The following CALHM1 variants were observed in gnomAD, a reference collection of about 807,000 sequenced individuals.
The protein encoded by CALHM1 is calcium homeostasis modulator protein 1.
A neutral mutation model predicts 14.8 loss-of-function variants in CALHM1; 11 were observed. That is an observed-to-expected ratio of 0.74 (90% CI 0.47 to 1.23). The LOEUF (loss-of-function observed/expected upper bound fraction) is 1.23, where lower values mean the gene tolerates loss of function less well. Among genes scored for constraint, CALHM1 ranks in the 50% most tolerant of loss-of-function variants. The probability of loss-of-function intolerance (pLI) is 0.00; values close to 1 mark genes in which losing one functional copy is unlikely to be tolerated. For missense variants in CALHM1, 458 were observed against 496.4 expected (o/e 0.92, Z 0.74); for synonymous variants, 215 against 218.9 (o/e 0.98, Z 0.16).
In CALHM1 at chr10:103,455,044, G is replaced by A; in HGVS notation, c.*218C>T. 1 of 671,598 alleles carries A rather than the reference G, an allele frequency of 1.5e-6. No homozygotes were observed. Among genetic ancestry groups the A allele is most frequent in the South Asian group, 2.0e-5 (1 of 50,252 alleles). The allele number at this position is 671,598 out of a possible 1,614,324, so 41.6% of individuals were successfully genotyped here. A position where few individuals can be genotyped will look rare whatever the true frequency, so the allele number is the denominator to read the frequency against. ...GACTAATACTGCTCATGGGCCCACTGCCCTAGGGCCATCCAGGGCAGTGTC... is the reference window on the plus strand; with the variant it reads ...GACTAATACTGCTCATGGGCCCACTACCCTAGGGCCATCCAGGGCAGTGTC... On this transcript the variant is annotated 3_prime_UTR_variant, in exon 2 of 2. Transcript: ENST00000329905.
intron 1 of CALHM1, among the ~76,000 whole-genome samples, chr10:103,456,373 C>T (rs1017462147): frequency 6.6e-6 from 1 of 152,218 alleles, no homozygotes; most frequent in African/African-American, 2.4e-5. Flanking sequence ...GCCAAATGAG[C>T]ACCTCCTCTG....
Position 103,455,165 on chromosome 10 carries a change from T to C in CALHM1, c.*97A>G. The C allele has an allele frequency of 6.9e-7, 1 of 1,450,842 alleles. No individual in the cohort carries two copies. The highest frequency in any genetic ancestry group is 1.4e-5 in the South Asian group (1 of 69,590). The allele number at this position is 1,450,842 out of a possible 1,614,324, so 89.9% of individuals were successfully genotyped here. A position where few individuals can be genotyped will look rare whatever the true frequency, so the allele number is the denominator to read the frequency against. On this transcript the variant is annotated 3_prime_UTR_variant, in exon 2 of 2. Transcript: ENST00000329905. ...AGTGTGGATCTGCCTAGGGGAGTACTGCCCAGCACTGAAACCCTTCCTTTT... is the reference window on the plus strand; with the variant it reads ...AGTGTGGATCTGCCTAGGGGAGTACCGCCCAGCACTGAAACCCTTCCTTTT...
In CALHM1 at chr10:103,454,916, G is replaced by A; in HGVS notation, c.*346C>T. ...CGAGGGTGGACCCTGGGGCAGGGAT[G>A]TCTGTTGAACCTGGGAGGAGACAGT... is the stretch of plus-strand genomic sequence containing the variant. On this transcript the variant is annotated 3_prime_UTR_variant, in exon 2 of 2. Coordinates refer to ENST00000329905, the MANE Select transcript of CALHM1 (RefSeq NM_001001412.4). 2 of 319,198 alleles carry A rather than the reference G, an allele frequency of 6.3e-6. No individual in the cohort carries two copies. The highest frequency in any genetic ancestry group is 1.1e-5 in the Non-Finnish European group (2 of 174,406). 19.8% of individuals were successfully genotyped at this position (319,198 alleles called of 1,614,324 possible). A position where few individuals can be genotyped will look rare whatever the true frequency, so the allele number is the denominator to read the frequency against.
chr10:103,457,302 G>A (rs1210598492), intron 1 of CALHM1, among the ~76,000 whole-genome samples: 2 of 152,264 alleles, frequency 1.3e-5, no homozygotes, highest in Admixed American at 6.5e-5. Flanking sequence ...GCCCACAGGA[G>A]AGGAGGCACA....
At position 103,458,368 on chromosome 10, in the gene CALHM1, G is replaced by A; in HGVS notation, c.384C>T (p.Ala128=). 1 of 1,610,034 alleles carries A rather than the reference G, an allele frequency of 6.2e-7. No homozygotes were observed. The highest frequency in any genetic ancestry group is 1.7e-5 in the Admixed American group (1 of 59,798). The change falls in exon 1 of 2, where the codon GCC becomes GCT. Residue 128 remains alanine (A), a synonymous_variant. Transcript: ENST00000329905. This position sits in a 1 kb window ranked among gnomAD's most constrained non-coding sequence, Gnocchi z 4.9. ...CGCTCACGGGCACGGCAGTGCAGAA[G>A]GCACAGAGGAAGCATTTGCCGTCGA... is the stretch of plus-strand genomic sequence containing the variant. ...TLLDGKCFLC[A]FCTAVPVSAL... is the part of the protein sequence containing the mutation.
At position 103,458,086 on chromosome 10, in the gene CALHM1, C is replaced by T. The variant is rs573628390; in HGVS notation, c.555+111G>A. On this transcript the variant is annotated intron_variant, in intron 1 of 1. Coordinates refer to ENST00000329905, the MANE Select transcript of CALHM1 (RefSeq NM_001001412.4). The surrounding 1 kb of genome is among the most constrained non-coding windows in gnomAD (Gnocchi z 4.9). Reference sequence around the variant, plus strand: ...AGTTGGGAAGATGCCCCCCACACCTCGGAGCTCCACCTGAGCAGAGGCCCC... The same window carrying T: ...AGTTGGGAAGATGCCCCCCACACCTTGGAGCTCCACCTGAGCAGAGGCCCC... The T allele has an allele frequency of 1.5e-5, 20 of 1,299,886 alleles. No homozygotes were observed. Among genetic ancestry groups the T allele is most frequent in the South Asian group, 6.8e-5 (5 of 73,690 alleles). The allele number at this position is 1,299,886 out of a possible 1,614,324, so 80.5% of individuals were successfully genotyped here. A position where few individuals can be genotyped will look rare whatever the true frequency, so the allele number is the denominator to read the frequency against.
chr10:103,455,207 G>A lies in CALHM1; in HGVS notation c.*55C>T. 1.3e-6 allele frequency: 2 copies of A among 1,506,572 alleles called. No homozygotes were observed. The highest frequency in any genetic ancestry group is 1.8e-6 in the Non-Finnish European group (2 of 1,125,638). The allele number at this position is 1,506,572 out of a possible 1,614,324, so 93.3% of individuals were successfully genotyped here. ...CTTCCTTTTTCCACCTGGTTTGGGG[G>A]TTGGAGGGGCTGTGGGCTCAGATCC... On this transcript the variant is annotated 3_prime_UTR_variant, in exon 2 of 2. Coordinates refer to ENST00000329905, the MANE Select transcript of CALHM1 (RefSeq NM_001001412.4).
intron 1 of CALHM1, among the ~76,000 whole-genome samples, chr10:103,457,548 T>C (rs2033164855): frequency 6.6e-6 from 1 of 152,200 alleles, no homozygotes. Context: ...GAGGGCAGGC[T>C]GCCTGGGTGG....
chr10:103,455,431 C>T lies in CALHM1; in HGVS notation c.872G>A (p.Arg291His), dbSNP rs779434169. 12 of 1,613,920 alleles carry T rather than the reference C, an allele frequency of 7.4e-6. No homozygotes were observed. The highest frequency in any genetic ancestry group is 2.2e-5 in the East Asian group (1 of 44,900). ...CATGGTGCCTTGATCCGTGATGCCA[C>T]GCAGCTTCTCCCTTTCCTCCTCCGC... The part of the protein sequence containing the change: ...DGAEEEREKL[R>H]GITDQGTMNR... The change falls in exon 2 of 2, where the codon CGT (arginine) becomes CAT (histidine). Residue 291 changes from arginine (R) to histidine (H), a missense_variant. Coordinates refer to ENST00000329905, the MANE Select transcript of CALHM1 (RefSeq NM_001001412.4).
Position 103,455,253 on chromosome 10 carries a change from G to A in CALHM1, c.*9C>T. 2 of 1,579,842 alleles carry A rather than the reference G, an allele frequency of 1.3e-6. No homozygotes were observed. The highest frequency in any genetic ancestry group is 1.7e-6 in the Non-Finnish European group (2 of 1,162,506). ...GATCCCCGTTCCTGCCTCTTCAGCT[G>A]GCCACACCTCACACTTTGCTGAAGT... On this transcript the variant is annotated 3_prime_UTR_variant, in exon 2 of 2. Coordinates refer to ENST00000329905, the MANE Select transcript of CALHM1 (RefSeq NM_001001412.4).
chr10:103,458,766 C>A lies in CALHM1; in HGVS notation c.-15G>T. On this transcript the variant is annotated 5_prime_UTR_variant, in exon 1 of 2. Transcript: ENST00000329905. This position sits in a 1 kb window ranked among gnomAD's most constrained non-coding sequence, Gnocchi z 4.9. ...TTGTCCATCATGCCCGCTGTGGGGC[C>A]CGGCCTCCTCTTCCCAACTCACTGC... The A allele has an allele frequency of 2.5e-6, 4 of 1,584,798 alleles. No individual in the cohort carries two copies. The highest frequency in any genetic ancestry group is 2.6e-6 in the Non-Finnish European group (3 of 1,166,350).
In CALHM1 at chr10:103,454,892, G is replaced by A. The variant is rs546948166; in HGVS notation, c.*370C>T. On this transcript the variant is annotated 3_prime_UTR_variant, in exon 2 of 2. Transcript: ENST00000329905. ...AGAGAGGTACTGAACAGCCACAGAC[G>A]AGGGTGGACCCTGGGGCAGGGATGT... The A allele has an allele frequency of 1.9e-5, 5 of 265,666 alleles. No individual in the cohort carries two copies. Among genetic ancestry groups the A allele is most frequent in the East Asian group, 7.6e-5 (1 of 13,138 alleles). 16.5% of individuals were successfully genotyped at this position (265,666 alleles called of 1,614,324 possible). A position where few individuals can be genotyped will look rare whatever the true frequency, so the allele number is the denominator to read the frequency against.
Position 103,455,259 on chromosome 10 carries a change from A to G in CALHM1, c.*3T>C, listed in dbSNP as rs2986016. The G allele has an allele frequency of 0.78, 1,232,497 of 1,588,918 alleles. 480,859 individuals are homozygous for G. Among genetic ancestry groups the G allele is most frequent in the African/African-American group, 0.94 (70,038 of 74,576 alleles). Reference sequence around the variant, plus strand: ...CGTTCCTGCCTCTTCAGCTGGCCACACCTCACACTTTGCTGAAGTAGGTGG... The same window carrying G: ...CGTTCCTGCCTCTTCAGCTGGCCACGCCTCACACTTTGCTGAAGTAGGTGG... On this transcript the variant is annotated 3_prime_UTR_variant, in exon 2 of 2. Transcript: ENST00000329905.
At chr10:103,457,760 C>G (rs2033167477) in intron 1 of CALHM1, among the ~76,000 whole-genome samples, 1 of 152,240 alleles carries the variant, frequency 6.6e-6, no homozygotes, top group Non-Finnish European at 1.5e-5. Context: ...CCAGGACACC[C>G]TGGTCCTCAG....
chr10:103,457,093 C>T (rs898797423), intron 1 of CALHM1, among the ~76,000 whole-genome samples: 1 of 152,216 alleles, frequency 6.6e-6, no homozygotes, highest in Non-Finnish European at 1.5e-5. Context: ...CACATCGTAC[C>T]CGGCCCATTC....
chr10:103,457,930 C>T (rs897156764), intron 1 of CALHM1, among the ~76,000 whole-genome samples: 2 of 152,244 alleles, frequency 1.3e-5, no homozygotes, highest in African/African-American at 4.8e-5. Flanking sequence ...GATGGGGATG[C>T]AGGTCCACTC....
Position 103,458,275 on chromosome 10 carries a change from C to T in CALHM1, c.477G>A (p.Val159=). 1.2e-6 allele frequency: 2 copies of T among 1,612,674 alleles called. No homozygotes were observed. The highest frequency in any genetic ancestry group is 1.7e-6 in the Non-Finnish European group (2 of 1,179,768). ...APELARLLAR[V]PCPEIYDGDW... ...CGCCATCGTAGATCTCAGGGCAGGG[C>T]ACCCGGGCCAGCAGGCGGGCGAGCT... The change falls in exon 1 of 2, where the codon GTG becomes GTA. Residue 159 remains valine, a synonymous_variant. Transcript: ENST00000329905. This position sits in a 1 kb window ranked among gnomAD's most constrained non-coding sequence, Gnocchi z 4.9.
Position 103,455,645 on chromosome 10 carries a change from A to G in CALHM1, c.658T>C (p.Trp220Arg), listed in dbSNP as rs1249194729. ...CGCTCGATGTCGATATAGTGGGACC[A>G]GTACTTGCTCTTGAGGAAGGCGGCC... is the stretch of plus-strand genomic sequence containing the variant. ...TQAAFLKSKY[W>R]SHYIDIERKL... Residue 220 changes from tryptophan to arginine, a missense_variant, in exon 2 of 2, where the codon TGG becomes CGG. Physicochemically the swap from Trp to Arg is moderately radical, Grantham distance 101. Transcript: ENST00000329905. 10 of 1,613,646 alleles carry G rather than the reference A, an allele frequency of 6.2e-6. No individual in the cohort carries two copies. Among genetic ancestry groups the G allele is most frequent in the Non-Finnish European group, 8.5e-6 (10 of 1,180,060 alleles).
At chr10:103,456,442 C>A (rs2033151235) in intron 1 of CALHM1, among the ~76,000 whole-genome samples, 1 of 152,248 alleles carries the variant, frequency 6.6e-6, no homozygotes, top group Non-Finnish European at 1.5e-5. Flanking sequence ...AGAAATCAAA[C>A]TCTGCGCTGA....
Sources: allele counts gnomAD v4.1 joint callset (sites outside exome capture counted in the v4.1 genomes callset), GRCh38; gene constraint gnomAD v4.1.1; non-coding constraint Gnocchi (gnomAD v3.1); transcripts MANE v1.5; gene names NCBI Gene and HGNC (gene_info 2026-07-23, HGNC 2026-07-21).